Variants in CTDSPL2 observed in about 807,000 individuals in gnomAD.
CTDSPL2 encodes the protein CTD small phosphatase-like protein 2.
Under a neutral mutation model 60.0 loss-of-function variants are expected in CTDSPL2, and 5 were observed. The observed-to-expected ratio is 0.08, with a 90% CI of 0.04 to 0.18. CTDSPL2 has a LOEUF of 0.18. Ranked by LOEUF, CTDSPL2 falls within the 10% of genes least tolerant of loss-of-function variation. CTDSPL2 has a pLI of 1.00. For synonymous variants in CTDSPL2, 186 were observed against 189.3 expected (o/e 0.98, Z 0.14); for missense variants, 370 against 548.8 (o/e 0.67, Z 3.26).
At chr15:44,462,133 A>C (rs1056877838) in intron 2 of CTDSPL2, among the ~76,000 whole-genome samples, 14 of 152,148 alleles carry the variant, frequency 9.2e-5, no homozygotes, top group African/African-American at 3.1e-4. Flanking sequence ...TAATAGAGGC[A>C]AGGCTTCACC....
intron 2 of CTDSPL2, among the ~76,000 whole-genome samples, chr15:44,482,019 C>T (rs115792299): frequency 0.01 from 1,595 of 152,316 alleles, 39 homozygotes; most frequent in African/African-American, 0.037. Context: ...TGGCTTAAAG[C>T]TTCACTTTTC....
Position 44,524,093 on chromosome 15 carries a change from T to C in CTDSPL2, c.1336-16T>C, listed in dbSNP as rs757956127. 1.2e-6 allele frequency: 2 copies of C among 1,611,158 alleles called. No individual in the cohort carries two copies. The highest frequency in any genetic ancestry group is 1.3e-5 in the African/African-American group (1 of 74,890). ...AAATTTTATGCCTTTTTAAAAATTGTCTTTTTTCCACGCAGAATGAAGATG... is the reference window on the plus strand; with the variant it reads ...AAATTTTATGCCTTTTTAAAAATTGCCTTTTTTCCACGCAGAATGAAGATG... On this transcript the variant is annotated splice_polypyrimidine_tract_variant and intron_variant, in intron 12 of 12. Transcript: ENST00000260327.
intron 1 of CTDSPL2, among the ~76,000 whole-genome samples, chr15:44,456,937 C>T (rs970348779): frequency 1.4e-5 from 2 of 146,168 alleles, no homozygotes; most frequent in Admixed American, 7.0e-5. Context: ...AGTGCAGTGG[C>T]GCGGTATTGG....
intron 5 of CTDSPL2, among the ~76,000 whole-genome samples, chr15:44,492,384 A>G (rs1196832681): frequency 6.6e-6 from 1 of 152,166 alleles, no homozygotes; most frequent in Non-Finnish European, 1.5e-5. Flanking sequence ...AAGGAAATAT[A>G]ATATACAGAT....
At chr15:44,518,651 CA>C (rs1567106045) in intron 10 of CTDSPL2, 1 of 152,122 alleles carries the variant, frequency 6.6e-6, no homozygotes, top group Non-Finnish European at 1.5e-5. Context: ...CTGGCATGTA[CA>C]GGGATAGGGA....
intron 2 of CTDSPL2, among the ~76,000 whole-genome samples, chr15:44,481,796 C>A (rs1318287036): frequency 6.6e-6 from 1 of 152,208 alleles, no homozygotes; most frequent in Non-Finnish European, 1.5e-5. Flanking sequence ...TGGTCCCGAA[C>A]TCCCAACCTC....
At chr15:44,522,020 G>C (rs2081787173) in intron 12 of CTDSPL2, among the ~76,000 whole-genome samples, 1 of 145,154 alleles carries the variant, frequency 6.9e-6, no homozygotes, top group Non-Finnish European at 1.5e-5. Context: ...GGCAAAGGTT[G>C]AAAAAGATTA....
chr15:44,459,640 C>G (rs1388061177), intron 2 of CTDSPL2, among the ~76,000 whole-genome samples: 4 of 152,176 alleles, frequency 2.6e-5, no homozygotes, highest in African/African-American at 9.6e-5. Context: ...GTTTTACATG[C>G]AGAATATTTA....
chr15:44,472,881 G>A (rs1486683611), intron 2 of CTDSPL2, among the ~76,000 whole-genome samples: 4 of 152,172 alleles, frequency 2.6e-5, no homozygotes. Flanking sequence ...GGCCGGTTTT[G>A]AATTCCTGAC....
chr15:44,479,082 A>C (rs993245500), intron 2 of CTDSPL2, among the ~76,000 whole-genome samples: 7 of 152,084 alleles, frequency 4.6e-5, no homozygotes, highest in African/African-American at 1.4e-4. Flanking sequence ...ACAAACAAAA[A>C]AAAAAAAACA....
At chr15:44,434,593 A>G (rs1031625897) in intron 1 of CTDSPL2, among the ~76,000 whole-genome samples, 15 of 152,140 alleles carry the variant, frequency 9.9e-5, no homozygotes, top group African/African-American at 3.4e-4. Context: ...GCAGGGTCTC[A>G]CTGTTGCCTA....
At chr15:44,475,738 G>A (rs1330577873) in intron 2 of CTDSPL2, among the ~76,000 whole-genome samples, 1 of 151,694 alleles carries the variant, frequency 6.6e-6, no homozygotes, top group African/African-American at 2.4e-5. Context: ...TATATTTAAA[G>A]TATTAAATTC....
intron 7 of CTDSPL2, 82 bp from the exon 8 acceptor site, chr15:44,499,645 G>A: frequency 1.3e-6 from 1 of 786,164 alleles, no homozygotes; most frequent in Non-Finnish European, 2.1e-6. Context: ...GTGCTTTAGT[G>A]TTTTGGTGAT....
At chr15:44,513,323 C>T (rs927793044) in intron 8 of CTDSPL2, among the ~76,000 whole-genome samples, 3 of 151,796 alleles carry the variant, frequency 2.0e-5, no homozygotes, top group African/African-American at 2.4e-5. Flanking sequence ...AAAAGTTAGC[C>T]GGTCGTGGTG....
chr15:44,469,730 A>G (rs1013547972), intron 2 of CTDSPL2, among the ~76,000 whole-genome samples: 4 of 152,198 alleles, frequency 2.6e-5, no homozygotes, highest in African/African-American at 9.6e-5. Context: ...AATTATATCC[A>G]AATGGTTGAT....
intron 1 of CTDSPL2, among the ~76,000 whole-genome samples, chr15:44,452,738 G>A (rs1269233522): frequency 1.3e-5 from 2 of 151,970 alleles, no homozygotes; most frequent in Admixed American, 6.6e-5. Flanking sequence ...TGCCATTTTA[G>A]GAGGTGTGAA....
At chr15:44,472,031 A>C (rs1375623163) in intron 2 of CTDSPL2, among the ~76,000 whole-genome samples, 1 of 151,860 alleles carries the variant, frequency 6.6e-6, no homozygotes, top group African/African-American at 2.4e-5. Flanking sequence ...TTATATCACT[A>C]TTTCCTTTTT....
chr15:44,441,429 T>G (rs1371757046), intron 1 of CTDSPL2, among the ~76,000 whole-genome samples: 1 of 152,228 alleles, frequency 6.6e-6, no homozygotes, highest in Non-Finnish European at 1.5e-5. Context: ...TCGCATATTG[T>G]GAGCCTTTGG....
intron 1 of CTDSPL2, among the ~76,000 whole-genome samples, chr15:44,442,446 C>CAAA (rs553756112): frequency 3.3e-5 from 2 of 60,716 alleles, no homozygotes; most frequent in Non-Finnish European, 7.1e-5. Context: ...GACTCTGTCT[C>CAAA]AAAAAAAAAA....
Sources: allele counts gnomAD v4.1 joint callset (sites outside exome capture counted in the v4.1 genomes callset), GRCh38; gene constraint gnomAD v4.1.1; transcripts MANE v1.5; gene names NCBI Gene and HGNC (gene_info 2026-07-23, HGNC 2026-07-21).